INTS7: variants seen among roughly 807,000 people sequenced by gnomAD.
INTS7 encodes the protein chromosome 1 open reading frame 73.
INTS7 carries 46 observed loss-of-function variants against 109.2 expected under a neutral mutation model. The observed-to-expected ratio is 0.42, with a 90% CI of 0.33 to 0.54. The LOEUF (loss-of-function observed/expected upper bound fraction) is 0.54. Among genes scored for constraint, INTS7 ranks in the 20% least tolerant of loss-of-function variants. The pLI is 0.07. For missense variants in INTS7, 929 were observed against 1,132.4 expected, an observed-to-expected ratio of 0.82 and a Z score of 2.58; for synonymous variants, 412 against 402.9, an observed-to-expected ratio of 1.02 and a Z score of -0.27.
At chr1:212,034,986 C>G (rs73072545) in intron 1 of INTS7, among the ~76,000 whole-genome samples, 5,182 of 152,308 alleles carry the variant, frequency 0.034, 302 homozygotes, top group African/African-American at 0.12. Context: ...TTCATGAAGA[C>G]CTGGTCTCAA....
chr1:211,972,931 G>C (rs1664246084), intron 13 of INTS7, among the ~76,000 whole-genome samples: 1 of 152,166 alleles, frequency 6.6e-6, no homozygotes, highest in African/African-American at 2.4e-5. Context: ...CATGAGCAGA[G>C]GACCCAGCTA....
At chr1:211,987,785 T>C (rs1664958737) in intron 8 of INTS7, 101 bp downstream of exon 8, 3 of 586,096 alleles carry the variant, frequency 5.1e-6, no homozygotes, top group South Asian at 6.2e-5. Flanking sequence ...TGAGATTTTT[T>C]TCCCTGATGT....
At position 211,940,679 on chromosome 1, in the gene INTS7, T is replaced by C. The variant is rs2102371913; in HGVS notation, c.*1145A>G. On this transcript the variant is annotated 3_prime_UTR_variant, in exon 20 of 20. Transcript: ENST00000366994. ...GGGGTTTTCTGGCTAACCAGAAAAC[T>C]CTGTTCCCTGAGCATCCCAACAAAC... The C allele has an allele frequency of 6.6e-6, 1 of 152,314 alleles. No homozygotes were observed. Among genetic ancestry groups the C allele is most frequent in the East Asian group, 1.9e-4 (1 of 5,186 alleles). 9.4% of individuals were successfully genotyped at this position (152,314 alleles called of 1,614,324 possible).
rs1663150005 is a variant in INTS7 at position 211,952,592 on chromosome 1, T to C, written c.2293A>G (p.Lys765Glu). The C allele has an allele frequency of 3.1e-6, 5 of 1,613,002 alleles. No individual in the cohort carries two copies. Among genetic ancestry groups the C allele is most frequent in the Non-Finnish European group, 4.2e-6 (5 of 1,179,666 alleles). ...GCCATATAAGAAACAGGGGTATATTTCCGATTGAGTGATTCTACCTCCTCC... is the reference window on the plus strand; with the variant it reads ...GCCATATAAGAAACAGGGGTATATTCCCGATTGAGTGATTCTACCTCCTCC... ...VLEEVESLNR[K>E]YTPVSYMHTA... The change falls in exon 17 of 20, where the codon AAA (lysine) becomes GAA (glutamate). Residue 765 changes from lysine to glutamate, a missense_variant. By Grantham distance (56) the Lys-to-Glu change is moderately conservative (BLOSUM62 1). Coordinates refer to ENST00000366994, the MANE Select transcript of INTS7 (RefSeq NM_015434.4).
chr1:211,951,313 T>C (rs1038448585), intron 17 of INTS7, among the ~76,000 whole-genome samples: 3 of 151,454 alleles, frequency 2.0e-5, no homozygotes, highest in South Asian at 4.2e-4. Context: ...GTTTGTTTGG[T>C]TGGTTTTTTT....
intron 16 of INTS7, among the ~76,000 whole-genome samples, chr1:211,962,260 TAAAAAAAAAA>T (rs35134976): frequency 1.3e-5 from 1 of 79,330 alleles, no homozygotes; most frequent in African/African-American, 5.2e-5. Context: ...CAACAAAGAT[TAAAAAAAAAA>T]AAAAAAAAAA....
chr1:211,996,202 A>G, intron 7 of INTS7, among the ~76,000 whole-genome samples: 1 of 152,148 alleles, frequency 6.6e-6, no homozygotes, highest in Non-Finnish European at 1.5e-5. Context: ...TGGGTGGATC[A>G]CTTGAGATTG....
At chr1:211,982,928 A>G (rs1664727062) in intron 8 of INTS7, 118 bp from the exon 9 acceptor site, 1 of 690,278 alleles carries the variant, frequency 1.4e-6, no homozygotes, top group South Asian at 2.4e-5. Context: ...ACTTCAACAA[A>G]ATTTCCTACC....
intron 7 of INTS7, among the ~76,000 whole-genome samples, chr1:211,996,230 T>C (rs1665379991): frequency 6.6e-6 from 1 of 152,110 alleles, no homozygotes; most frequent in African/African-American, 2.4e-5. Context: ...AAGACCAGCC[T>C]GGTGAACCCG....
intron 19 of INTS7, among the ~76,000 whole-genome samples, chr1:211,943,964 G>A (rs1662739802): frequency 6.6e-6 from 1 of 152,062 alleles, no homozygotes; most frequent in African/African-American, 2.4e-5. Context: ...CTCGAACACT[G>A]GCATTTCATG....
intron 16 of INTS7, among the ~76,000 whole-genome samples, chr1:211,957,267 C>T (rs1311726226): frequency 2.0e-5 from 3 of 152,044 alleles, no homozygotes; most frequent in Admixed American, 6.6e-5. Flanking sequence ...GATTGTCAGC[C>T]GGGCATGGTG....
intron 7 of INTS7, among the ~76,000 whole-genome samples, chr1:212,000,872 A>T (rs1399375104): frequency 6.6e-6 from 1 of 152,146 alleles, no homozygotes; most frequent in Non-Finnish European, 1.5e-5. Flanking sequence ...AACTAGAGAA[A>T]GCCTATCTAC....
At chr1:211,996,508 A>G (rs1571887359) in intron 7 of INTS7, among the ~76,000 whole-genome samples, 1 of 152,334 alleles carries the variant, frequency 6.6e-6, no homozygotes, top group East Asian at 1.9e-4. Context: ...GGCCACAAAT[A>G]AACTTTAAGA....
chr1:212,031,965 G>A (rs1177227337), intron 1 of INTS7, among the ~76,000 whole-genome samples: 4 of 152,146 alleles, frequency 2.6e-5, no homozygotes, highest in South Asian at 2.1e-4. Context: ...TTAAAATAGC[G>A]TTCAAAGGTT....
At chr1:211,994,897 A>C (rs180725866) in intron 7 of INTS7, among the ~76,000 whole-genome samples, 1 of 152,256 alleles carries the variant, frequency 6.6e-6, no homozygotes, top group East Asian at 1.9e-4. Flanking sequence ...AATCAACAAA[A>C]CAATTGCATT....
In INTS7 at chr1:212,016,845, G is replaced by A. The variant is rs1287136014; in HGVS notation, c.509+41C>T. ...TTTTTCCTTCAAAAATTTTTCTTGG[G>A]AAGCCAAATTACTAAAAGGGATGTA... On this transcript the variant is annotated intron_variant, in intron 4 of 19. Transcript: ENST00000366994. The A allele has an allele frequency of 3.2e-6, 5 of 1,551,592 alleles. No homozygotes were observed. The South Asian group carries it at 6.3e-5, about 20-fold the overall frequency.
chr1:212,014,828 G>A (rs766948466), intron 4 of INTS7, among the ~76,000 whole-genome samples: 3 of 152,230 alleles, frequency 2.0e-5, no homozygotes, highest in Non-Finnish European at 2.9e-5. Context: ...TGCAGACGGA[G>A]TCTCGCTCAC....
At chr1:212,026,677 T>C (rs1204179551) in intron 1 of INTS7, among the ~76,000 whole-genome samples, 1 of 152,194 alleles carries the variant, frequency 6.6e-6, no homozygotes, top group Non-Finnish European at 1.5e-5. Flanking sequence ...AACAGAGATG[T>C]GTGCTTACGT....
intron 3 of INTS7, 76 bp downstream of exon 3, chr1:212,020,046 G>T: frequency 9.5e-7 from 1 of 1,052,118 alleles, no homozygotes; most frequent in Non-Finnish European, 1.3e-6. Context: ...AATGAAAAAT[G>T]TAAATACACT....
Sources: allele counts gnomAD v4.1 joint callset (sites outside exome capture counted in the v4.1 genomes callset), GRCh38; gene constraint gnomAD v4.1.1; transcripts MANE v1.5; gene names NCBI Gene and HGNC (gene_info 2026-07-23, HGNC 2026-07-21).